EBF3: variants seen among roughly 807,000 people sequenced by gnomAD.
EBF3 encodes transcription factor COE3.
EBF3 carries 18 observed loss-of-function variants against 77.1 expected under a neutral mutation model. That is an observed-to-expected ratio of 0.23 (90% CI 0.16 to 0.35). The LOEUF is 0.35. EBF3 is among the 10% of genes least tolerant of loss of function. The probability of loss-of-function intolerance (pLI) is 1.00; values close to 1 mark genes in which losing one functional copy is unlikely to be tolerated. For missense variants in EBF3, 558 were observed against 860.0 expected, an observed-to-expected ratio of 0.65 and a Z score of 4.39; for synonymous variants, 350 against 343.5, an observed-to-expected ratio of 1.02 and a Z score of -0.21.
intron 6 of EBF3, among the ~76,000 whole-genome samples, chr10:129,922,184 C>T (rs183650612): frequency 6.6e-6 from 1 of 152,318 alleles, no homozygotes. Context: ...GAGCAGAGTC[C>T]TCTCTCTCCC....
intron 6 of EBF3, among the ~76,000 whole-genome samples, chr10:129,881,636 A>G (rs1292020963): frequency 1.3e-5 from 2 of 152,184 alleles, no homozygotes; most frequent in African/African-American, 4.8e-5. Flanking sequence ...ACAGGGAACC[A>G]TATGGGCAAC....
intron 6 of EBF3, among the ~76,000 whole-genome samples, chr10:129,903,114 T>C (rs372478683): frequency 1.3e-5 from 2 of 152,260 alleles, no homozygotes; most frequent in African/African-American, 2.4e-5. Context: ...GTTTCACCTT[T>C]TTCTTGACAT....
At chr10:129,901,859 A>G (rs1488402447) in intron 6 of EBF3, among the ~76,000 whole-genome samples, 2 of 152,224 alleles carry the variant, frequency 1.3e-5, no homozygotes, top group African/African-American at 2.4e-5. Flanking sequence ...GACTGACAGC[A>G]GAGCTCACAC....
intron 10 of EBF3, among the ~76,000 whole-genome samples, chr10:129,862,110 G>A (rs181315341): frequency 3.4e-3 from 525 of 152,272 alleles, no homozygotes; most frequent in Middle Eastern, 0.01. Flanking sequence ...AGGACACAGC[G>A]TCGCCCCTTG....
chr10:129,886,417 T>C (rs1207759368), intron 6 of EBF3, among the ~76,000 whole-genome samples: 1 of 152,224 alleles, frequency 6.6e-6, no homozygotes, highest in African/African-American at 2.4e-5. Flanking sequence ...TGTCAACATA[T>C]ACAAGAGAAA....
rs1173800219 is a variant in EBF3, at chr10:129,870,122, G to A, written c.782-2210C>T. On this transcript the variant is annotated intron_variant, in intron 8 of 16. Coordinates refer to ENST00000440978, the MANE Select transcript of EBF3 (RefSeq NM_001375380.1). This position sits in a 1 kb window ranked among gnomAD's most constrained non-coding sequence, Gnocchi z 4.4. Reference sequence around the variant, plus strand: ...GCCCAGTGGAAAGCCACATCATCTCGGAATTTGTAGTGCTTCTCAGCGGAA... The same window carrying A: ...GCCCAGTGGAAAGCCACATCATCTCAGAATTTGTAGTGCTTCTCAGCGGAA... Among the ~76,000 whole-genome samples, 2 of 152,124 alleles carry A rather than the reference G, an allele frequency of 1.3e-5. No homozygotes were observed. Among genetic ancestry groups the A allele is most frequent in the South Asian group, 2.1e-4 (1 of 4,834 alleles).
chr10:129,938,005 C>T lies in EBF3; in HGVS notation c.554+19253G>A, dbSNP rs1269223124. Among the ~76,000 whole-genome samples, 1 of 152,168 alleles carries T rather than the reference C, an allele frequency of 6.6e-6. No homozygotes were observed. The highest frequency in any genetic ancestry group is 1.5e-5 in the Non-Finnish European group (1 of 68,032). Reference sequence around the variant, plus strand: ...TTCACAAAATGCATTAGTCAAAATACTTCGAAATGGTACAAGCTATTTTCT... The same window carrying T: ...TTCACAAAATGCATTAGTCAAAATATTTCGAAATGGTACAAGCTATTTTCT... On this transcript the variant is annotated intron_variant, in intron 6 of 16. Coordinates refer to ENST00000440978, the MANE Select transcript of EBF3 (RefSeq NM_001375380.1). The surrounding 1 kb of genome is among the most constrained non-coding windows in gnomAD (Gnocchi z 5.1).
intron 6 of EBF3, among the ~76,000 whole-genome samples, chr10:129,882,524 T>A (rs896909061): frequency 4.6e-5 from 7 of 152,340 alleles, no homozygotes; most frequent in African/African-American, 1.7e-4. Context: ...GCCATGGGGC[T>A]CTAGTGGGTT....
At position 129,897,103 on chromosome 10, in the gene EBF3, T is replaced by C. The variant is rs893339940; in HGVS notation, c.555-19254A>G. On this transcript the variant is annotated intron_variant, in intron 6 of 16. Coordinates refer to ENST00000440978, the MANE Select transcript of EBF3 (RefSeq NM_001375380.1). The surrounding 1 kb of genome is among the most constrained non-coding windows in gnomAD (Gnocchi z 4.6). ...AGCAGAGATGGGCCTAGACGGGCAG[T>C]TGGAGCTGGGAGACAGGAAGACAAA... Among the ~76,000 whole-genome samples, 2 of 152,150 alleles carry C rather than the reference T, an allele frequency of 1.3e-5. No individual in the cohort carries two copies. Among genetic ancestry groups the C allele is most frequent in the African/African-American group, 2.4e-5 (1 of 41,432 alleles).
chr10:129,906,089 C>T (rs1327036154), intron 6 of EBF3, among the ~76,000 whole-genome samples: 4 of 152,300 alleles, frequency 2.6e-5, no homozygotes, highest in African/African-American at 9.6e-5. Context: ...TTATAATTTA[C>T]ACTGTATTAA....
intron 9 of EBF3, among the ~76,000 whole-genome samples, chr10:129,867,481 A>G (rs1309723739): frequency 2.0e-5 from 3 of 152,236 alleles, no homozygotes; most frequent in African/African-American, 4.8e-5. Context: ...GAAAGGCCAC[A>G]GGGCATCATT....
chr10:129,877,731 C>T (rs375234626), intron 7 of EBF3, 37 bp downstream of exon 7: 199 of 1,568,490 alleles, frequency 1.3e-4, no homozygotes, highest in Non-Finnish European at 1.6e-4. Context: ...TATGAAAAGT[C>T]AGGACCACGG....
rs1859747235 is a variant in EBF3 at position 129,964,053 on chromosome 10, A to T, written c.-285T>A. On this transcript the variant is annotated 5_prime_UTR_variant, in exon 1 of 17. Transcript: ENST00000440978. This position sits in a 1 kb window ranked among gnomAD's most constrained non-coding sequence, Gnocchi z 4.5. ...GGCGCTTGTTGTTGTTGTTGTTTGC[A>T]GGCGCGCTCAACGTGGTGTCATCCT... The T allele has an allele frequency of 6.2e-5, 61 of 985,146 alleles. No individual in the cohort carries two copies. The highest frequency in any genetic ancestry group is 7.2e-5 in the Non-Finnish European group (60 of 829,850). The allele number at this position is 985,146 out of a possible 1,614,324, so 61.0% of individuals were successfully genotyped here. A position where few individuals can be genotyped will look rare whatever the true frequency, so the allele number is the denominator to read the frequency against.
chr10:129,904,868 C>A (rs1280635952), intron 6 of EBF3, among the ~76,000 whole-genome samples: 2 of 152,316 alleles, frequency 1.3e-5, no homozygotes, highest in Admixed American at 1.3e-4. Flanking sequence ...ACAGAAGCAA[C>A]TCCTTAAATA....
chr10:129,895,471 TC>T (rs1350716052), intron 6 of EBF3, among the ~76,000 whole-genome samples: 12 of 152,210 alleles, frequency 7.9e-5, no homozygotes, highest in African/African-American at 2.9e-4. Context: ...GCTCCCTTGT[TC>T]CCATGGGCAG....
chr10:129,911,932 C>T (rs1438072107), intron 6 of EBF3, among the ~76,000 whole-genome samples: 1 of 152,160 alleles, frequency 6.6e-6, no homozygotes, highest in Non-Finnish European at 1.5e-5. Context: ...AAATGCATGG[C>T]TGCTTCCTCC....
chr10:129,863,988 C>T lies in EBF3; in HGVS notation c.1039+3153G>A, dbSNP rs938334010. Among the ~76,000 whole-genome samples the T allele has an allele frequency of 2.6e-5, 4 of 152,252 alleles. No homozygotes were observed. The highest frequency in any genetic ancestry group is 6.5e-5 in the Admixed American group (1 of 15,292). On this transcript the variant is annotated intron_variant, in intron 10 of 16. Coordinates refer to ENST00000440978, the MANE Select transcript of EBF3 (RefSeq NM_001375380.1). The surrounding 1 kb of genome is among the most constrained non-coding windows in gnomAD (Gnocchi z 4.0). ...TCGATGGAGGAAATCCCTGAAGCTT[C>T]GGGCAGCCAGGACCCTGAGCTTGTG... is the stretch of plus-strand genomic sequence containing the variant.
chr10:129,958,789 G>T, intron 5 of EBF3, 145 bp downstream of exon 5: 1 of 1,125,950 alleles, frequency 8.9e-7, no homozygotes, highest in South Asian at 1.8e-5. Context: ...TCCGCGGCCC[G>T]GCGCGCGGCC....
intron 3 of EBF3, 28 bp from the exon 4 acceptor site, chr10:129,962,254 T>G (rs773372641): frequency 1.2e-6 from 2 of 1,613,428 alleles, no homozygotes; most frequent in Non-Finnish European, 1.7e-6. Flanking sequence ...CAAATTCTCA[T>G]CAGGATTTGA....
Sources: gnomAD v4.1 joint callset for allele counts (sites outside exome capture counted in the v4.1 genomes callset) on GRCh38, gnomAD v4.1.1 for gene constraint, Gnocchi (gnomAD v3.1) non-coding constraint, MANE v1.5 for transcripts, NCBI Gene and HGNC (gene_info 2026-07-23, HGNC 2026-07-21) for gene names.